The following AKR1C8 variants were observed in gnomAD, a reference collection of about 807,000 sequenced individuals.
The protein encoded by AKR1C8 is aldo-keto reductase family 1 member C-like protein 1.
chr10:5,144,333 C>A, the AKR1C8 span, among the ~76,000 whole-genome samples: 1 of 152,094 alleles, frequency 6.6e-6, no homozygotes, highest in Non-Finnish European at 1.5e-5. Flanking sequence ...CTTCTTTTGG[C>A]TTAGGATTGA....
At chr10:5,184,729 G>A in the AKR1C8 span, among the ~76,000 whole-genome samples, 2 of 152,160 alleles carry the variant, frequency 1.3e-5, no homozygotes, top group Admixed American at 1.3e-4. Flanking sequence ...TACATGGAAA[G>A]CATTTGATAT....
chr10:5,180,040 G>T, the AKR1C8 span, among the ~76,000 whole-genome samples: 9 of 152,348 alleles, frequency 5.9e-5, no homozygotes, highest in Non-Finnish European at 1.0e-4. Context: ...TTTGGAGGAG[G>T]AGAGGCACTC....
At chr10:5,148,864 A>G in the AKR1C8 span, among the ~76,000 whole-genome samples, 1 of 152,018 alleles carries the variant, frequency 6.6e-6, no homozygotes, top group Non-Finnish European at 1.5e-5. Flanking sequence ...GCTCATTCCT[A>G]TGTCATACCA....
At chr10:5,127,867 T>C in the AKR1C8 span, among the ~76,000 whole-genome samples, 1 of 151,512 alleles carries the variant, frequency 6.6e-6, no homozygotes, top group South Asian at 2.1e-4. Context: ...CCTGAGAGAA[T>C]AATTGAGAAA....
At chr10:5,121,709 GA>G in the AKR1C8 span, among the ~76,000 whole-genome samples, 3 of 151,740 alleles carry the variant, frequency 2.0e-5, no homozygotes, top group Non-Finnish European at 4.4e-5. Context: ...CACAAAGAGG[GA>G]CCAGGTTTGA....
chr10:5,138,407 T>C, the AKR1C8 span, among the ~76,000 whole-genome samples: 1 of 152,252 alleles, frequency 6.6e-6, no homozygotes, highest in East Asian at 1.9e-4. Flanking sequence ...AATATGGCTC[T>C]TTTTGCCTGA....
the AKR1C8 span, among the ~76,000 whole-genome samples, chr10:5,165,433 G>T: frequency 6.6e-6 from 1 of 152,126 alleles, no homozygotes; most frequent in East Asian, 1.9e-4. Context: ...TCAGCCCTTT[G>T]CTCAAAACCT....
At chr10:5,136,307 G>A in the AKR1C8 span, among the ~76,000 whole-genome samples, 14 of 152,216 alleles carry the variant, frequency 9.2e-5, 1 homozygote, top group South Asian at 2.9e-3. Flanking sequence ...CAGCACTTTG[G>A]GAGGCTGAGG....
At chr10:5,142,586 C>T in the AKR1C8 span, among the ~76,000 whole-genome samples, 1 of 151,968 alleles carries the variant, frequency 6.6e-6, no homozygotes. Flanking sequence ...GTTTTAACAT[C>T]GTTATGTCTT....
chr10:5,117,348 G>C, the AKR1C8 span, among the ~76,000 whole-genome samples: 40 of 152,210 alleles, frequency 2.6e-4, no homozygotes, highest in African/African-American at 8.7e-4. Flanking sequence ...TTCAACTATA[G>C]GAGATACTGG....
chr10:5,143,270 C>G, the AKR1C8 span, among the ~76,000 whole-genome samples: 15 of 152,138 alleles, frequency 9.9e-5, no homozygotes, highest in African/African-American at 3.4e-4. Context: ...CCATCTTCTA[C>G]CCGTGGACAT....
the AKR1C8 span, chr10:5,161,778 A>G: frequency 3.7e-6 from 2 of 534,748 alleles, no homozygotes; most frequent in Non-Finnish European, 7.7e-6. Flanking sequence ...CTGGAAACCA[A>G]GCTAGAATTA....
chr10:5,176,237 C>G, the AKR1C8 span, among the ~76,000 whole-genome samples: 1 of 130,618 alleles, frequency 7.7e-6, no homozygotes, highest in Admixed American at 7.8e-5. Flanking sequence ...AATAGGGATT[C>G]CTTTCCCCAT....
At chr10:5,165,386 C>A in the AKR1C8 span, among the ~76,000 whole-genome samples, 2 of 152,146 alleles carry the variant, frequency 1.3e-5, no homozygotes, top group South Asian at 4.1e-4. Flanking sequence ...ACAACACCTC[C>A]TAGGGGGATA....
the AKR1C8 span, chr10:5,161,637 C>A: frequency 1.9e-6 from 1 of 524,416 alleles, no homozygotes; most frequent in South Asian, 1.4e-5. Flanking sequence ...GAATCTGAAT[C>A]CCCCTTAAGG....
the AKR1C8 span, among the ~76,000 whole-genome samples, chr10:5,134,231 T>C: frequency 6.6e-6 from 1 of 152,186 alleles, no homozygotes; most frequent in Non-Finnish European, 1.5e-5. Context: ...AAAGCTTCCA[T>C]GTTGTGCTTT....
the AKR1C8 span, among the ~76,000 whole-genome samples, chr10:5,180,409 T>C: frequency 3.3e-5 from 5 of 152,246 alleles, no homozygotes; most frequent in Non-Finnish European, 7.3e-5. Flanking sequence ...CCAGTTAGGC[T>C]GCTCGGGGGT....
At chr10:5,163,758 C>T in the AKR1C8 span, among the ~76,000 whole-genome samples, 2 of 152,098 alleles carry the variant, frequency 1.3e-5, no homozygotes, top group Admixed American at 6.6e-5. Flanking sequence ...GACAAAGGCC[C>T]AACATAAAAA....
chr10:5,123,052 G>A, the AKR1C8 span, among the ~76,000 whole-genome samples: 1 of 152,210 alleles, frequency 6.6e-6, no homozygotes, highest in African/African-American at 2.4e-5. Context: ...CCAACTTAAT[G>A]TTGAAACCCA....
Sources: allele counts gnomAD v4.1 joint callset (sites outside exome capture counted in the v4.1 genomes callset), GRCh38; gene constraint gnomAD v4.1.1; transcripts MANE v1.5; gene names NCBI Gene and HGNC (gene_info 2026-07-23, HGNC 2026-07-21).